The following AKAP7 variants were observed in gnomAD, a reference collection of about 807,000 sequenced individuals.
AKAP7 encodes the protein A kinase (PRKA) anchor protein 7.
AKAP7 carries 39 observed loss-of-function variants against 39.5 expected under a neutral mutation model. The observed-to-expected ratio is 0.99, with a 90% CI of 0.76 to 1.29. The LOEUF (loss-of-function observed/expected upper bound fraction) is 1.29, where lower values mean the gene tolerates loss of function less well. AKAP7 is among the 50% of genes most tolerant of loss of function. The pLI, the probability that AKAP7 is intolerant of heterozygous loss-of-function variation, is 0.00. For missense variants in AKAP7, 414 were observed against 407.7 expected (o/e 1.02, Z -0.13); for synonymous variants, 140 against 139.1 (o/e 1.01, Z -0.05).
chr6:131,145,483 T>A lies in AKAP7; in HGVS notation c.151+67T>A, dbSNP rs913556099. ...GTAGTAAATTTAGTTATATATATAT[T>A]TTTTTCTTTATAAGTTGTTTCACTT... On this transcript the variant is annotated intron_variant, in intron 2 of 7. Transcript: ENST00000431975. The A allele has an allele frequency of 8.3e-6, 9 of 1,085,214 alleles. No individual in the cohort carries two copies. The African/African-American group carries it at 1.2e-4, about 14-fold the overall frequency. 67.2% of individuals were successfully genotyped at this position (1,085,214 alleles called of 1,614,324 possible). A position where few individuals can be genotyped will look rare whatever the true frequency, so the allele number is the denominator to read the frequency against.
chr6:131,127,002 T>C, the AKAP7 span, among the ~76,000 whole-genome samples: 1 of 151,896 alleles, frequency 6.6e-6, no homozygotes, highest in African/African-American at 2.4e-5. Context: ...GGTAGATTTG[T>C]GGGGAAAATA....
intron 2 of AKAP7, among the ~76,000 whole-genome samples, chr6:131,157,787 A>G (rs1441198943): frequency 1.3e-5 from 2 of 152,232 alleles, no homozygotes; most frequent in African/African-American, 4.8e-5. Context: ...TTAAACGTGT[A>G]TCCTCTAATC....
chr6:131,177,337 C>T (rs1356960260), intron 5 of AKAP7, among the ~76,000 whole-genome samples: 2 of 152,048 alleles, frequency 1.3e-5, no homozygotes, highest in Non-Finnish European at 2.9e-5. Flanking sequence ...TGGCTGGCTC[C>T]CGGTGAGAAC....
intron 5 of AKAP7, among the ~76,000 whole-genome samples, chr6:131,178,598 C>T (rs1040653107): frequency 1.3e-5 from 2 of 152,200 alleles, no homozygotes; most frequent in African/African-American, 4.8e-5. Context: ...CCATTTACTT[C>T]GTTTCCACTA....
At chr6:131,247,264 C>CATATGT (rs1812071610) in intron 7 of AKAP7, among the ~76,000 whole-genome samples, 1 of 53,788 alleles carries the variant, frequency 1.9e-5, no homozygotes, top group Non-Finnish European at 3.3e-5. Context: ...TGACACATTT[C>CATATGT]ATATGTATAT....
At chr6:131,191,897 C>T (rs1806445996) in intron 5 of AKAP7, among the ~76,000 whole-genome samples, 1 of 149,590 alleles carries the variant, frequency 6.7e-6, no homozygotes, top group African/African-American at 2.5e-5. Flanking sequence ...AGCTTAGCCT[C>T]CCAAGTAGCT....
At chr6:131,212,995 GTATT>G (rs1326117091) in intron 6 of AKAP7, among the ~76,000 whole-genome samples, 1 of 152,190 alleles carries the variant, frequency 6.6e-6, no homozygotes, top group East Asian at 1.9e-4. Context: ...TCTAGGGACA[GTATT>G]TAGCTCTCAT....
intron 7 of AKAP7, among the ~76,000 whole-genome samples, chr6:131,236,374 C>T (rs1259887044): frequency 2.0e-5 from 3 of 152,008 alleles, no homozygotes; most frequent in Non-Finnish European, 4.4e-5. Context: ...CTTAGGATTG[C>T]CTTGGCAATG....
intron 3 of AKAP7, among the ~76,000 whole-genome samples, chr6:131,162,810 C>A (rs543256095): frequency 6.6e-6 from 1 of 152,268 alleles, no homozygotes; most frequent in South Asian, 2.1e-4. Flanking sequence ...CTACCCATGA[C>A]CACCTCGTCT....
chr6:131,195,263 T>C (rs930556936), intron 5 of AKAP7, among the ~76,000 whole-genome samples: 2 of 152,140 alleles, frequency 1.3e-5, no homozygotes, highest in African/African-American at 4.8e-5. Flanking sequence ...TATTTTAAAG[T>C]GATGACAACT....
chr6:131,241,967 G>T (rs1272737479), intron 7 of AKAP7: 1 of 814,184 alleles, frequency 1.2e-6, no homozygotes, highest in Admixed American at 6.2e-5. Context: ...AGATAATGAG[G>T]GCTAAAGAAA....
chr6:131,159,155 G>C (rs1000689692), intron 2 of AKAP7, among the ~76,000 whole-genome samples: 2 of 151,908 alleles, frequency 1.3e-5, no homozygotes, highest in Non-Finnish European at 2.9e-5. Flanking sequence ...CTGCAGTGGC[G>C]CCATCTCGGC....
chr6:131,141,461 T>C (rs541697962), intron 1 of AKAP7, among the ~76,000 whole-genome samples: 2 of 152,318 alleles, frequency 1.3e-5, no homozygotes, highest in African/African-American at 4.8e-5. Context: ...AACTTTTCTT[T>C]AGTAATTACC....
intron 7 of AKAP7, among the ~76,000 whole-genome samples, chr6:131,264,201 A>G (rs1040123743): frequency 6.6e-6 from 1 of 152,188 alleles, no homozygotes; most frequent in African/African-American, 2.4e-5. Context: ...GAAACTGTGG[A>G]TGATTGCGAC....
rs546605881 is a variant in AKAP7 at position 131,184,215 on chromosome 6, G to C, written c.589+14942G>C. 9 of 407,732 alleles carry C rather than the reference G, an allele frequency of 2.2e-5. No individual in the cohort carries two copies. In the East Asian group the frequency reaches 3.6e-4, roughly 16 times the overall value. The allele number at this position is 407,732 out of a possible 1,614,324, so 25.3% of individuals were successfully genotyped here. On this transcript the variant is annotated intron_variant, in intron 5 of 7. Transcript: ENST00000431975. ...GGCAGGCTAGAACAACCACCCCAAGGTTCTCTGGACTTGTGAAGGAGAGGA... is the reference window on the plus strand; with the variant it reads ...GGCAGGCTAGAACAACCACCCCAAGCTTCTCTGGACTTGTGAAGGAGAGGA...
intron 7 of AKAP7, among the ~76,000 whole-genome samples, chr6:131,268,890 T>G (rs1161231405): frequency 6.6e-6 from 1 of 152,214 alleles, no homozygotes. Flanking sequence ...GTCCTTCATT[T>G]TCTGATTTCT....
At chr6:131,148,787 T>C (rs1018203059) in intron 2 of AKAP7, among the ~76,000 whole-genome samples, 1 of 152,292 alleles carries the variant, frequency 6.6e-6, no homozygotes, top group Non-Finnish European at 1.5e-5. Flanking sequence ...ATAATAATAG[T>C]GTTTGTGCCT....
chr6:131,276,380 C>G (rs377623238), intron 7 of AKAP7, among the ~76,000 whole-genome samples: 1 of 151,906 alleles, frequency 6.6e-6, no homozygotes, highest in Admixed American at 6.6e-5. Context: ...GTCCCGGGAC[C>G]GTGTCAGTTT....
At chr6:131,220,517 T>C (rs1278262691) in intron 7 of AKAP7, among the ~76,000 whole-genome samples, 1 of 152,206 alleles carries the variant, frequency 6.6e-6, no homozygotes, top group Non-Finnish European at 1.5e-5. Context: ...AACTGTGAAC[T>C]TCAAGACAAC....
Sources: gnomAD v4.1 joint callset for allele counts (sites outside exome capture counted in the v4.1 genomes callset) on GRCh38, gnomAD v4.1.1 for gene constraint, MANE v1.5 for transcripts, NCBI Gene and HGNC (gene_info 2026-07-23, HGNC 2026-07-21) for gene names.